The following GLCE variants were observed in gnomAD, a reference collection of about 807,000 sequenced individuals.
GLCE encodes the protein D-glucuronyl C5-epimerase.
In GLCE, 19 loss-of-function variants were observed where a neutral mutation model predicts 47.9. The ratio of observed to expected loss-of-function variants is 0.40; its 90% CI spans 0.28 to 0.58. The LOEUF (loss-of-function observed/expected upper bound fraction) is 0.58. Ranked by LOEUF, GLCE falls within the 20% of genes least tolerant of loss-of-function variation. GLCE has a pLI of 0.48. For missense variants in GLCE, 556 were observed against 743.3 expected (o/e 0.75, Z 2.93); for synonymous variants, 245 against 263.4 (o/e 0.93, Z 0.68).
chr15:69,268,842 T>C lies in GLCE; in HGVS notation c.1452T>C (p.His484=), dbSNP rs56045514. Residue 484 remains histidine (H), a synonymous_variant, in exon 5 of 5, where the codon CAT becomes CAC. Transcript: ENST00000261858. ...CTTATAAGTTTCTATCTGAGCAGCA[T>C]GGAGTTAAAGCTGTGTTTATGAATA... is the stretch of plus-strand genomic sequence containing the variant. ...TAPYKFLSEQ[H]GVKAVFMNKH... 9.3e-3 allele frequency: 15,019 copies of C among 1,614,190 alleles called. 1,122 individuals are homozygous for C. The African/African-American group carries it at 0.17, about 18-fold the overall frequency.
chr15:69,190,965 T>C (rs1443634169), intron 1 of GLCE, among the ~76,000 whole-genome samples: 1 of 152,178 alleles, frequency 6.6e-6, no homozygotes, highest in East Asian at 1.9e-4. Context: ...AGGATTACAT[T>C]CTATATCTTT....
intron 2 of GLCE, among the ~76,000 whole-genome samples, chr15:69,238,617 G>C (rs1404078117): frequency 6.6e-6 from 1 of 152,104 alleles, no homozygotes; most frequent in Non-Finnish European, 1.5e-5. Flanking sequence ...TAAGGTTTGA[G>C]GATAAATGAG....
chr15:69,192,370 C>A (rs915885689), intron 1 of GLCE, among the ~76,000 whole-genome samples: 3 of 151,588 alleles, frequency 2.0e-5, no homozygotes, highest in Non-Finnish European at 4.4e-5. Context: ...ATTTTTATTT[C>A]AAGTATTTTT....
intron 1 of GLCE, among the ~76,000 whole-genome samples, chr15:69,187,081 G>C (rs1002507825): frequency 2.0e-5 from 3 of 152,044 alleles, no homozygotes; most frequent in African/African-American, 7.3e-5. Flanking sequence ...AATGTCTTAG[G>C]TTAATGTTCA....
chr15:69,250,548 C>T (rs2052825826), intron 2 of GLCE, among the ~76,000 whole-genome samples: 1 of 151,688 alleles, frequency 6.6e-6, no homozygotes, highest in African/African-American at 2.4e-5. Context: ...CGCTGTGTTG[C>T]CCAGGCTGGA....
Position 69,229,204 on chromosome 15 carries a change from C to T in GLCE, c.-14+18798C>T, listed in dbSNP as rs189450535. Among the ~76,000 whole-genome samples, 337 of 152,302 alleles carry T rather than the reference C, an allele frequency of 2.2e-3. 3 individuals carry two copies. Among genetic ancestry groups the T allele is most frequent in the African/African-American group, 7.9e-3 (329 of 41,558 alleles). ...CATACACTGGAAAGACATAATAATT[C>T]TAAATTCATGTGAACTTAATAATTT... On this transcript the variant is annotated intron_variant, in intron 2 of 4. Coordinates refer to ENST00000261858, the MANE Select transcript of GLCE (RefSeq NM_015554.3).
intron 1 of GLCE, among the ~76,000 whole-genome samples, chr15:69,165,917 T>A (rs1043997737): frequency 2.6e-5 from 4 of 152,188 alleles, no homozygotes; most frequent in Non-Finnish European, 5.9e-5. Flanking sequence ...CATAAGCTGA[T>A]ATGAGAATGG....
intron 2 of GLCE, among the ~76,000 whole-genome samples, chr15:69,243,679 T>G (rs758852053): frequency 1.3e-5 from 2 of 152,142 alleles, no homozygotes; most frequent in Non-Finnish European, 2.9e-5. Context: ...TATTCAAGAT[T>G]ATATGTTCTT....
In GLCE at chr15:69,249,757, A is replaced by G. The variant is rs184384240; in HGVS notation, c.-13-6037A>G. ...ATGCTATCCATAGTTCCTGATATTTAGTGAATTACTCTAATAGTTACTTGA... is the reference window on the plus strand; with the variant it reads ...ATGCTATCCATAGTTCCTGATATTTGGTGAATTACTCTAATAGTTACTTGA... On this transcript the variant is annotated intron_variant, in intron 2 of 4. Transcript: ENST00000261858. Among the ~76,000 whole-genome samples, 3 of 152,338 alleles carry G rather than the reference A, an allele frequency of 2.0e-5. No individual in the cohort carries two copies. In the East Asian group the frequency reaches 5.8e-4, roughly 29 times the overall value.
intron 1 of GLCE, among the ~76,000 whole-genome samples, chr15:69,178,209 G>A (rs1249314612): frequency 1.3e-5 from 2 of 152,240 alleles, no homozygotes; most frequent in African/African-American, 4.8e-5. Flanking sequence ...AAGAGATCTT[G>A]TAGCTCGGTA....
At chr15:69,232,400 A>G (rs2052537682) in intron 2 of GLCE, among the ~76,000 whole-genome samples, 1 of 152,158 alleles carries the variant, frequency 6.6e-6, no homozygotes, top group Admixed American at 6.5e-5. Context: ...TCCTAGGAAC[A>G]GAAGTCTTGA....
At chr15:69,227,819 A>G (rs1205640720) in intron 2 of GLCE, among the ~76,000 whole-genome samples, 2 of 152,198 alleles carry the variant, frequency 1.3e-5, no homozygotes, top group African/African-American at 4.8e-5. Context: ...TTGTATTTTT[A>G]TACATGAGAA....
At chr15:69,248,532 G>GCTTC (rs1017858069) in intron 2 of GLCE, among the ~76,000 whole-genome samples, 5 of 151,960 alleles carry the variant, frequency 3.3e-5, no homozygotes, top group African/African-American at 1.2e-4. Flanking sequence ...TTGCTTGCTT[G>GCTTC]CTTTCAAGAA....
chr15:69,254,921 C>G (rs939218602), intron 2 of GLCE, among the ~76,000 whole-genome samples: 1 of 151,896 alleles, frequency 6.6e-6, no homozygotes, highest in African/African-American at 2.4e-5. Flanking sequence ...GACTGGGGCC[C>G]TAAGGTACTC....
chr15:69,180,556 T>G (rs2051735847), intron 1 of GLCE, among the ~76,000 whole-genome samples: 1 of 152,106 alleles, frequency 6.6e-6, no homozygotes, highest in African/African-American at 2.4e-5. Context: ...AGACAGTCAG[T>G]GAAGGAGATA....
chr15:69,183,990 C>A (rs554993917), intron 1 of GLCE, among the ~76,000 whole-genome samples: 1 of 152,182 alleles, frequency 6.6e-6, no homozygotes, highest in Non-Finnish European at 1.5e-5. Flanking sequence ...ACACCAGAAA[C>A]AGAGTCACAA....
intron 1 of GLCE, among the ~76,000 whole-genome samples, chr15:69,170,534 ATGTT>A (rs1316319273): frequency 6.6e-6 from 1 of 152,134 alleles, no homozygotes; most frequent in Admixed American, 6.6e-5. Flanking sequence ...GTATATGTAT[ATGTT>A]TGTAAGTGTA....
At chr15:69,166,253 C>A (rs926687922) in intron 1 of GLCE, among the ~76,000 whole-genome samples, 6 of 152,140 alleles carry the variant, frequency 3.9e-5, no homozygotes, top group Admixed American at 1.3e-4. Flanking sequence ...ATTTGCTCAG[C>A]GTCATTATCT....
chr15:69,173,446 TA>T (rs1301127968), intron 1 of GLCE, among the ~76,000 whole-genome samples: 2 of 152,354 alleles, frequency 1.3e-5, no homozygotes, highest in East Asian at 3.9e-4. Context: ...GAAGAAGGAT[TA>T]AGCATATCTT....
Sources: gnomAD v4.1 joint callset for allele counts (sites outside exome capture counted in the v4.1 genomes callset) on GRCh38, gnomAD v4.1.1 for gene constraint, MANE v1.5 for transcripts, NCBI Gene and HGNC (gene_info 2026-07-23, HGNC 2026-07-21) for gene names.